PDE10A: variants seen among roughly 807,000 people sequenced by gnomAD.
The protein encoded by PDE10A is phosphodiesterase 10A, also known as cAMP and cAMP-inhibited cGMP 3',5'-cyclic phosphodiesterase 10A.
Under a neutral mutation model 97.7 loss-of-function variants are expected in PDE10A, and 39 were observed. That is an observed-to-expected ratio of 0.40 (90% CI 0.31 to 0.52). The LOEUF (loss-of-function observed/expected upper bound fraction) is 0.52. Ranked by LOEUF, PDE10A falls within the 20% of genes least tolerant of loss-of-function variation. PDE10A has a pLI of 0.56. For missense variants in PDE10A, 731 were observed against 1,047.8 expected (o/e 0.70, Z 4.17); for synonymous variants, 371 against 376.8 (o/e 0.98, Z 0.18).
chr6:165,548,593 T>C (rs745557888), intron 1 of PDE10A, among the ~76,000 whole-genome samples: 2 of 152,278 alleles, frequency 1.3e-5, no homozygotes, highest in Admixed American at 6.5e-5. Context: ...TAGGTTCCAT[T>C]TGGGGTACAA....
chr6:165,476,743 A>T (rs965109070), intron 3 of PDE10A, among the ~76,000 whole-genome samples: 6 of 152,208 alleles, frequency 3.9e-5, no homozygotes, highest in Non-Finnish European at 8.8e-5. Flanking sequence ...ATACATTCAG[A>T]AATGAAAAAG....
intron 1 of PDE10A, among the ~76,000 whole-genome samples, chr6:165,827,150 C>A (rs759648381): frequency 6.6e-5 from 10 of 152,208 alleles, no homozygotes; most frequent in Non-Finnish European, 5.9e-5. Flanking sequence ...CTAGACGCTT[C>A]CCCTCTTGTG....
chr6:165,587,003 A>T (rs572399479), intron 1 of PDE10A, among the ~76,000 whole-genome samples: 1 of 152,106 alleles, frequency 6.6e-6, no homozygotes, highest in African/African-American at 2.4e-5. Flanking sequence ...AGCACCTAGC[A>T]AACTGTGGGG....
intron 3 of PDE10A, among the ~76,000 whole-genome samples, chr6:165,477,108 A>C (rs1191339409): frequency 6.6e-6 from 1 of 152,164 alleles, no homozygotes; most frequent in Non-Finnish European, 1.5e-5. Flanking sequence ...CCCCAGCGGC[A>C]TCATCTCCGA....
intron 1 of PDE10A, among the ~76,000 whole-genome samples, chr6:165,682,854 C>T (rs1346278266): frequency 6.6e-6 from 1 of 152,200 alleles, no homozygotes; most frequent in African/African-American, 2.4e-5. Flanking sequence ...TCGGTTTGTA[C>T]ATCCCCACTT....
At chr6:165,825,723 T>G (rs1419271630) in intron 1 of PDE10A, among the ~76,000 whole-genome samples, 3 of 151,780 alleles carry the variant, frequency 2.0e-5, no homozygotes, top group Non-Finnish European at 4.4e-5. Flanking sequence ...GCCTTGGGAG[T>G]CCCCCTGGGG....
rs9459524 is a variant in PDE10A at position 165,905,959 on chromosome 6, T to C, written c.-615+81570A>G. 6.9e-3 allele frequency among the ~76,000 whole-genome samples: 1,010 copies of C among 146,008 alleles called. 17 individuals carry two copies. The highest frequency in any genetic ancestry group is 0.024 in the African/African-American group (934 of 39,286). ...AACAATTTTTTTCCTTCTTTCTTTGTTCCTTTTTACCTTCCCTTTTTCTCC... is the reference window on the plus strand; with the variant it reads ...AACAATTTTTTTCCTTCTTTCTTTGCTCCTTTTTACCTTCCCTTTTTCTCC... On this transcript the variant is annotated intron_variant, in intron 1 of 19. Coordinates refer to the PDE10A transcript ENST00000366882.
Position 165,683,290 on chromosome 6 carries a change from G to A in PDE10A, c.-614-139722C>T, listed in dbSNP as rs549586071. On this transcript the variant is annotated intron_variant, in intron 1 of 19. Coordinates refer to the PDE10A transcript ENST00000366882. ...TATTCAGAATATACCAAAGGCCTTC[G>A]GGTGGGCATCAGAGACATGGGCTTC... Among the ~76,000 whole-genome samples, 50 of 152,234 alleles carry A rather than the reference G, an allele frequency of 3.3e-4. No individual in the cohort carries two copies. In the South Asian group the frequency reaches 8.5e-3, roughly 26 times the overall value.
At chr6:165,454,845 G>A (rs1777856371) in intron 3 of PDE10A, among the ~76,000 whole-genome samples, 1 of 152,036 alleles carries the variant, frequency 6.6e-6, no homozygotes, top group Non-Finnish European at 1.5e-5. Context: ...GAAAAGTTGT[G>A]GCTTAAATGA....
chr6:165,931,785 G>A (rs932711969), intron 1 of PDE10A, among the ~76,000 whole-genome samples: 5 of 152,166 alleles, frequency 3.3e-5, no homozygotes, highest in Admixed American at 6.5e-5. Flanking sequence ...GCTGTCTCCC[G>A]ACAGTCACTT....
rs375714332 is a variant in PDE10A, at chr6:165,736,641, G to A, written c.-614-193073C>T. On this transcript the variant is annotated intron_variant, in intron 1 of 19. Transcript: ENST00000366882. ...GGCAACACAACATACCTAATTTATG[G>A]GACTCAGCAAGAGCATTCCTAAGAG... Among the ~76,000 whole-genome samples the A allele has an allele frequency of 4.6e-5, 7 of 152,212 alleles. No homozygotes were observed. In the East Asian group the frequency reaches 1.2e-3, roughly 25 times the overall value.
At position 165,576,882 on chromosome 6, in the gene PDE10A, T is replaced by G. The variant is rs1291480548; in HGVS notation, c.866-33314A>C. Among the ~76,000 whole-genome samples the G allele has an allele frequency of 3.9e-5, 6 of 152,218 alleles. No individual in the cohort carries two copies. In the East Asian group the frequency reaches 1.2e-3, roughly 29 times the overall value. Reference sequence around the variant, plus strand: ...TCCCCTCTCAGGGAAGCTCACCATCTCCAGCTCAGAATAAATCCCAATTTG... The same window carrying G: ...TCCCCTCTCAGGGAAGCTCACCATCGCCAGCTCAGAATAAATCCCAATTTG... On this transcript the variant is annotated intron_variant, in intron 1 of 21. Coordinates refer to ENST00000539869, the MANE Select transcript of PDE10A (RefSeq NM_001385079.1).
At chr6:165,951,636 C>A (rs1465585317) in intron 1 of PDE10A, among the ~76,000 whole-genome samples, 2 of 152,134 alleles carry the variant, frequency 1.3e-5, no homozygotes. Context: ...CTTTCTCACT[C>A]GGTCTCCTAA....
chr6:165,342,029 G>A (rs189900412), intron 19 of PDE10A, among the ~76,000 whole-genome samples: 96 of 152,160 alleles, frequency 6.3e-4, no homozygotes, highest in Non-Finnish European at 9.9e-4. Flanking sequence ...AATTTAACAC[G>A]GCATCTGTTT....
At chr6:165,909,186 G>A (rs1273406332) in intron 1 of PDE10A, 1 of 152,210 alleles carries the variant, frequency 6.6e-6, no homozygotes. Flanking sequence ...CCAGGGAAAA[G>A]GAACTGCACT....
intron 1 of PDE10A, among the ~76,000 whole-genome samples, chr6:165,642,540 A>T (rs1789186109): frequency 1.3e-5 from 2 of 152,242 alleles, no homozygotes; most frequent in African/African-American, 4.8e-5. Flanking sequence ...GCCCCACATA[A>T]TCATTCTGGT....
intron 1 of PDE10A, among the ~76,000 whole-genome samples, chr6:165,612,707 T>C (rs934513883): frequency 1.3e-5 from 2 of 152,158 alleles, no homozygotes; most frequent in Non-Finnish European, 2.9e-5. Flanking sequence ...CAAATTAAAG[T>C]ATACTTCAAG....
intron 1 of PDE10A, among the ~76,000 whole-genome samples, chr6:165,783,929 G>A (rs1778413679): frequency 6.6e-6 from 1 of 152,140 alleles, no homozygotes; most frequent in South Asian, 2.1e-4. Context: ...ATGAAAAGCT[G>A]TCTGCCTTGG....
chr6:165,457,116 C>A (rs1477123438), intron 3 of PDE10A, among the ~76,000 whole-genome samples: 3 of 152,120 alleles, frequency 2.0e-5, no homozygotes, highest in African/African-American at 7.2e-5. Flanking sequence ...ATGGAAACCC[C>A]ATGATAAAGG....
Sources: gnomAD v4.1 joint callset for allele counts (sites outside exome capture counted in the v4.1 genomes callset) on GRCh38, gnomAD v4.1.1 for gene constraint, MANE v1.5 for transcripts, NCBI Gene and HGNC (gene_info 2026-07-23, HGNC 2026-07-21) for gene names.